ST18: variants seen among roughly 807,000 people sequenced by gnomAD.
ST18 encodes the protein ST18 C2H2C-type zinc finger transcription factor.
ST18 carries 50 observed loss-of-function variants against 110.0 expected under a neutral mutation model. That is an observed-to-expected ratio of 0.45 (90% confidence interval 0.36 to 0.58). The LOEUF is 0.58. Among genes scored for constraint, ST18 ranks in the 20% least tolerant of loss-of-function variants. The probability of loss-of-function intolerance (pLI) is 0.00; values close to 1 mark genes in which losing one functional copy is unlikely to be tolerated. For synonymous variants in ST18, 461 were observed against 452.4 expected (o/e 1.02, Z -0.24); for missense variants, 1,306 against 1,280.1 (o/e 1.02, Z -0.31).
At chr8:52,348,511 G>A (rs935520348) in intron 2 of ST18, among the ~76,000 whole-genome samples, 5 of 152,214 alleles carry the variant, frequency 3.3e-5, no homozygotes, top group East Asian at 1.9e-4. Context: ...CCAGCACTTC[G>A]GGAAGCCGAG....
chr8:52,180,070 A>G, intron 9 of ST18, 52 bp downstream of exon 9: 2 of 1,574,868 alleles, frequency 1.3e-6, no homozygotes, highest in South Asian at 1.1e-5. Flanking sequence ...GAATTAGCAC[A>G]GAGTCCTTGG....
At chr8:52,379,042 C>T (rs1055662345) in intron 2 of ST18, among the ~76,000 whole-genome samples, 3 of 151,018 alleles carry the variant, frequency 2.0e-5, no homozygotes, top group Admixed American at 1.3e-4. Context: ...TGAAATGTTG[C>T]CACATCAAAT....
chr8:52,290,915 G>A lies in ST18; in HGVS notation c.-464-60838C>T, dbSNP rs188990485. Among the ~76,000 whole-genome samples the A allele has an allele frequency of 1.8e-4, 28 of 152,170 alleles. No homozygotes were observed. The East Asian group carries it at 3.9e-3, about 21-fold the overall frequency. On this transcript the variant is annotated intron_variant, in intron 2 of 25. Transcript: ENST00000689386. ...AGGGCTTCGTACCAATCGTTCCCCC[G>A]GTGAACACCGTGTTGCAGATCTCCT...
chr8:52,344,893 T>C (rs1289210431), intron 2 of ST18, among the ~76,000 whole-genome samples: 6 of 152,242 alleles, frequency 3.9e-5, no homozygotes, highest in African/African-American at 1.4e-4. Context: ...TATTTTATTA[T>C]TTGATTGTAA....
intron 2 of ST18, among the ~76,000 whole-genome samples, chr8:52,269,598 C>A (rs908990047): frequency 6.6e-6 from 1 of 152,136 alleles, no homozygotes; most frequent in Non-Finnish European, 1.5e-5. Context: ...AATTAGAGTG[C>A]ATTATGAGCT....
chr8:52,402,639 T>G (rs1233446492), intron 2 of ST18, among the ~76,000 whole-genome samples: 1 of 152,052 alleles, frequency 6.6e-6, no homozygotes, highest in Non-Finnish European at 1.5e-5. Context: ...TAGTGATGAC[T>G]ATGGTCCCAG....
chr8:52,367,233 G>GACACACACACACACACAC (rs1564591511), intron 2 of ST18, among the ~76,000 whole-genome samples: 1 of 131,214 alleles, frequency 7.6e-6, no homozygotes, highest in Non-Finnish European at 1.5e-5. Flanking sequence ...GCGGGACCCT[G>GACACACACACACACACAC]TCTCACACAC....
intron 2 of ST18, among the ~76,000 whole-genome samples, chr8:52,369,270 T>G (rs1829338392): frequency 6.6e-6 from 1 of 152,174 alleles, no homozygotes; most frequent in African/African-American, 2.4e-5. Flanking sequence ...CTAAACACAC[T>G]TTTCCCAGCC....
intron 2 of ST18, among the ~76,000 whole-genome samples, chr8:52,256,861 T>C (rs533616425): frequency 6.6e-6 from 1 of 152,328 alleles, no homozygotes; most frequent in East Asian, 1.9e-4. Flanking sequence ...ATATTCATAG[T>C]TGTGCAACTT....
intron 2 of ST18, among the ~76,000 whole-genome samples, chr8:52,283,601 T>C (rs1479528750): frequency 1.3e-5 from 2 of 152,118 alleles, no homozygotes; most frequent in Non-Finnish European, 1.5e-5. Flanking sequence ...CCATGTCAAA[T>C]CTTGCTGAGA....
intron 2 of ST18, among the ~76,000 whole-genome samples, chr8:52,370,823 A>C (rs1280821235): frequency 6.6e-6 from 1 of 152,158 alleles, no homozygotes; most frequent in East Asian, 1.9e-4. Flanking sequence ...CACAAAACCT[A>C]GTTCCCTGCT....
intron 2 of ST18, among the ~76,000 whole-genome samples, chr8:52,378,685 C>T (rs111599966): frequency 0.015 from 2,287 of 152,216 alleles, 60 homozygotes; most frequent in African/African-American, 0.053. Context: ...GAAACTTCAC[C>T]TCTGACTGGT....
intron 22 of ST18, among the ~76,000 whole-genome samples, chr8:52,129,487 C>T (rs2048380600): frequency 6.7e-6 from 1 of 148,628 alleles, no homozygotes; most frequent in South Asian, 2.2e-4. Flanking sequence ...AGAAATTCCA[C>T]ACACAGAAAG....
At chr8:52,128,085 C>T (rs2047805252) in intron 22 of ST18, among the ~76,000 whole-genome samples, 1 of 152,096 alleles carries the variant, frequency 6.6e-6, no homozygotes, top group Non-Finnish European at 1.5e-5. Flanking sequence ...TCTCCTGCCT[C>T]AGCCTCCCAA....
At chr8:52,279,364 A>G (rs897958657) in intron 2 of ST18, among the ~76,000 whole-genome samples, 2 of 152,198 alleles carry the variant, frequency 1.3e-5, no homozygotes, top group Admixed American at 6.5e-5. Flanking sequence ...TACTCAGACT[A>G]TAGCACAAAC....
At chr8:52,360,346 ATGCT>A (rs1056608091) in intron 2 of ST18, among the ~76,000 whole-genome samples, 83 of 152,264 alleles carry the variant, frequency 5.5e-4, no homozygotes, top group African/African-American at 1.9e-3. Context: ...TTTTAAATAA[ATGCT>A]TTATTTAGGT....
intron 10 of ST18, among the ~76,000 whole-genome samples, chr8:52,168,777 T>C (rs1377112469): frequency 6.6e-6 from 1 of 152,188 alleles, no homozygotes; most frequent in Admixed American, 6.5e-5. Context: ...GATTTGTGGA[T>C]ATATGTTTTA....
rs552237435 is a variant in ST18 at position 52,166,921 on chromosome 8, C to T, written c.1135G>A (p.Val379Met). Residue 379 changes from valine (V) to methionine (M), a missense_variant, in exon 11 of 26, where the codon GTG becomes ATG. Coordinates refer to ENST00000689386, the MANE Select transcript of ST18 (RefSeq NM_001352837.2). ...PIPGCDGTGH[V>M]TGLYPHHRSL... Reference sequence around the variant, plus strand: ...CGGTGGTGCGGGTAGAGCCCTGTCACGTGTCCCGTGCCATCACATCCAGGG... The same window carrying T: ...CGGTGGTGCGGGTAGAGCCCTGTCATGTGTCCCGTGCCATCACATCCAGGG... 8 of 1,612,770 alleles carry T rather than the reference C, an allele frequency of 5.0e-6. No homozygotes were observed. The highest frequency in any genetic ancestry group is 2.2e-5 in the East Asian group (1 of 44,842).
intron 2 of ST18, among the ~76,000 whole-genome samples, chr8:52,344,133 C>G: frequency 6.6e-6 from 1 of 152,048 alleles, no homozygotes; most frequent in East Asian, 1.9e-4. Flanking sequence ...TTAGTCAGAA[C>G]TTTTGTTATT....
Sources: gnomAD v4.1 joint callset for allele counts (sites outside exome capture counted in the v4.1 genomes callset) on GRCh38, gnomAD v4.1.1 for gene constraint, MANE v1.5 for transcripts, NCBI Gene and HGNC (gene_info 2026-07-23, HGNC 2026-07-21) for gene names.